Variants in ATRNL1 observed in about 807,000 individuals in gnomAD.
ATRNL1 encodes the protein attractin-like protein 1.
A neutral mutation model predicts 182.7 loss-of-function variants in ATRNL1; 95 were observed. The ratio of observed to expected loss-of-function variants is 0.52; its 90% CI spans 0.44 to 0.62. ATRNL1 has a LOEUF of 0.62. ATRNL1 is among the 20% of genes least tolerant of loss of function. The probability of loss-of-function intolerance (pLI) is 0.00; values close to 1 mark genes in which losing one functional copy is unlikely to be tolerated. For missense variants in ATRNL1, 1,471 were observed against 1,679.5 expected (o/e 0.88, Z 2.17); for synonymous variants, 576 against 568.3 (o/e 1.01, Z -0.19).
chr10:115,109,529 G>C (rs1477136935), intron 1 of ATRNL1, among the ~76,000 whole-genome samples: 1 of 152,136 alleles, frequency 6.6e-6, no homozygotes, highest in African/African-American at 2.4e-5. Context: ...ATCCATTCAT[G>C]AGGGCTATGC....
At chr10:115,421,560 T>A (rs1845652852) in intron 20 of ATRNL1, among the ~76,000 whole-genome samples, 1 of 152,090 alleles carries the variant, frequency 6.6e-6, no homozygotes, top group African/African-American at 2.4e-5. Flanking sequence ...TATGTGCACA[T>A]ATATGCATCC....
chr10:115,804,527 G>A (rs947935201), intron 27 of ATRNL1, among the ~76,000 whole-genome samples: 54 of 152,164 alleles, frequency 3.5e-4, no homozygotes, highest in African/African-American at 1.2e-3. Context: ...AGTAGGATGA[G>A]TGCCCTTGCA....
At chr10:115,419,585 A>G (rs1272512968) in intron 20 of ATRNL1, among the ~76,000 whole-genome samples, 4 of 152,230 alleles carry the variant, frequency 2.6e-5, no homozygotes, top group Non-Finnish European at 2.9e-5. Flanking sequence ...GGGAAAAGCT[A>G]TTTCATGGAA....
intron 8 of ATRNL1, among the ~76,000 whole-genome samples, chr10:115,190,847 A>G (rs1554889705): frequency 1.3e-5 from 2 of 152,114 alleles, no homozygotes; most frequent in African/African-American, 4.8e-5. Flanking sequence ...GTACCCATTA[A>G]CCAGCCTCAC....
In ATRNL1 at chr10:115,662,871, A is replaced by G. The variant is rs528872595; in HGVS notation, c.3796-64377A>G. 3.3e-5 allele frequency among the ~76,000 whole-genome samples: 5 copies of G among 152,176 alleles called. No homozygotes were observed. In the South Asian group the frequency reaches 6.2e-4, roughly 19 times the overall value. ...TGATCTTATACAAACTTTAAAATCCATATGTTCAAAGTACTTAAGGGAAAA... is the reference window on the plus strand; with the variant it reads ...TGATCTTATACAAACTTTAAAATCCGTATGTTCAAAGTACTTAAGGGAAAA... On this transcript the variant is annotated intron_variant, in intron 26 of 28. Transcript: ENST00000355044.
chr10:115,715,198 C>T (rs977388056), intron 26 of ATRNL1, among the ~76,000 whole-genome samples: 9 of 152,154 alleles, frequency 5.9e-5, no homozygotes, highest in Admixed American at 4.6e-4. Context: ...AATTCAATAA[C>T]ATATGGTCCA....
intron 16 of ATRNL1, 22 bp downstream of exon 16, chr10:115,300,269 C>A: frequency 6.3e-7 from 1 of 1,584,094 alleles, no homozygotes; most frequent in Non-Finnish European, 8.7e-7. Context: ...AGTAAATTAG[C>A]ATTCCTTTAA....
At chr10:115,649,430 G>C (rs781861988) in intron 26 of ATRNL1, among the ~76,000 whole-genome samples, 4 of 152,094 alleles carry the variant, frequency 2.6e-5, no homozygotes, top group Non-Finnish European at 5.9e-5. Flanking sequence ...AGCTGAGGTT[G>C]TTTGATTGTT....
At chr10:115,254,074 T>G (rs1304295005) in intron 10 of ATRNL1, among the ~76,000 whole-genome samples, 3 of 152,230 alleles carry the variant, frequency 2.0e-5, no homozygotes, top group African/African-American at 7.2e-5. Flanking sequence ...TTTGCTATTG[T>G]GAATAGTACC....
At chr10:115,824,225 G>A (rs1950372418) in intron 27 of ATRNL1, among the ~76,000 whole-genome samples, 1 of 152,052 alleles carries the variant, frequency 6.6e-6, no homozygotes, top group Admixed American at 6.6e-5. Context: ...GGCTAGCCAT[G>A]TGCAGAAAAC....
rs376988275 is a variant in ATRNL1 at position 115,460,945 on chromosome 10, C to T, written c.3323-996C>T. On this transcript the variant is annotated intron_variant, in intron 21 of 28. Transcript: ENST00000355044. ...GAACTATGACCTACTGCATAATTCT[C>T]ATTATCAGATATAAGGATACCTATA... is the stretch of plus-strand genomic sequence containing the variant. Among the ~76,000 whole-genome samples, 84 of 152,146 alleles carry T rather than the reference C, an allele frequency of 5.5e-4. 2 individuals are homozygous for T. In the South Asian group the frequency reaches 0.017, roughly 31 times the overall value.
intron 19 of ATRNL1, among the ~76,000 whole-genome samples, chr10:115,366,444 C>T (rs1857044796): frequency 1.3e-5 from 2 of 152,120 alleles, no homozygotes; most frequent in African/African-American, 4.8e-5. Context: ...CTGAATACAG[C>T]ACACTGATGG....
At chr10:115,489,037 G>A (rs1849167525) in intron 24 of ATRNL1, among the ~76,000 whole-genome samples, 1 of 152,130 alleles carries the variant, frequency 6.6e-6, no homozygotes, top group Non-Finnish European at 1.5e-5. Flanking sequence ...GTGTGGTTTT[G>A]AGTGAGTTTC....
chr10:115,223,222 A>G (rs1849539348), intron 9 of ATRNL1, among the ~76,000 whole-genome samples: 1 of 152,168 alleles, frequency 6.6e-6, no homozygotes, highest in Admixed American at 6.5e-5. Flanking sequence ...CAGAGGTTGC[A>G]ATGAGCTGAG....
intron 26 of ATRNL1, among the ~76,000 whole-genome samples, chr10:115,587,199 G>A (rs1163469192): frequency 6.6e-6 from 1 of 151,406 alleles, no homozygotes; most frequent in Non-Finnish European, 1.5e-5. Context: ...GGTTACTGCT[G>A]TCTTTTTGTT....
At chr10:115,876,847 A>G (rs1300890163) in intron 28 of ATRNL1, among the ~76,000 whole-genome samples, 1 of 152,230 alleles carries the variant, frequency 6.6e-6, no homozygotes, top group African/African-American at 2.4e-5. Flanking sequence ...CCATGTTTTA[A>G]TCAGAGAAAT....
At chr10:115,848,776 TC>T (rs1433124231) in intron 28 of ATRNL1, among the ~76,000 whole-genome samples, 1 of 152,184 alleles carries the variant, frequency 6.6e-6, no homozygotes, top group African/African-American at 2.4e-5. Flanking sequence ...TTTTTCTGTC[TC>T]CTGATTATTT....
chr10:115,402,650 A>G (rs1245509430), intron 20 of ATRNL1, among the ~76,000 whole-genome samples: 2 of 152,186 alleles, frequency 1.3e-5, no homozygotes, highest in African/African-American at 4.8e-5. Flanking sequence ...GTTCACAGTA[A>G]ATTGAAGATA....
At chr10:115,301,801 T>G in intron 16 of ATRNL1, 54 bp from the exon 17 acceptor site, 2 of 1,435,514 alleles carry the variant, frequency 1.4e-6, no homozygotes, top group Non-Finnish European at 1.9e-6. Flanking sequence ...ACCCATACAA[T>G]TGTGTTAACA....
Sources: gnomAD v4.1 joint callset for allele counts (sites outside exome capture counted in the v4.1 genomes callset) on GRCh38, gnomAD v4.1.1 for gene constraint, MANE v1.5 for transcripts, NCBI Gene and HGNC (gene_info 2026-07-23, HGNC 2026-07-21) for gene names.